Variants in VRK3 observed in about 807,000 individuals in gnomAD.
The protein encoded by VRK3 is VRK serine/threonine kinase 3.
A neutral mutation model predicts 60.4 loss-of-function variants in VRK3; 50 were observed. The ratio of observed to expected loss-of-function variants is 0.83; its 90% CI spans 0.66 to 1.05. The LOEUF is 1.05. VRK3 is among the 50% of genes least tolerant of loss of function. VRK3 has a pLI of 0.00. For synonymous variants in VRK3, 246 were observed against 227.8 expected (o/e 1.08, Z -0.72); for missense variants, 549 against 585.3 (o/e 0.94, Z 0.64).
chr19:49,982,223 C>CA, intron 12 of VRK3: 1 of 702,814 alleles, frequency 1.4e-6, no homozygotes, highest in Non-Finnish European at 2.6e-6. Context: ...GACTCATGAC[C>CA]AACAGCACCG....
intron 6 of VRK3, chr19:49,998,948 G>GAAAAAAAAAAAAAAAA (rs60205284): frequency 5.6e-5 from 2 of 35,600 alleles, no homozygotes; most frequent in Non-Finnish European, 5.7e-5. Context: ...ATCTCTACCA[G>GAAAAAAAAAAAAAAAA]AAAAAAAAAA....
intron 6 of VRK3, chr19:49,998,926 C>T (rs910376628): frequency 1.7e-5 from 2 of 118,276 alleles, no homozygotes; most frequent in Non-Finnish European, 3.2e-5. Context: ...CTGGGCAACA[C>T]AGGAAGACCC....
chr19:49,987,153 G>A (rs995839861), intron 12 of VRK3, among the ~76,000 whole-genome samples: 1 of 152,228 alleles, frequency 6.6e-6, no homozygotes, highest in African/African-American at 2.4e-5. Flanking sequence ...GGATTAAGGC[G>A]TGAACCACCG....
intron 1 of VRK3, among the ~76,000 whole-genome samples, chr19:50,023,458 G>C (rs2077203627): frequency 6.6e-6 from 1 of 152,212 alleles, no homozygotes; most frequent in Non-Finnish European, 1.5e-5. Context: ...TGGGATTACA[G>C]GCTCGAGCCA....
intron 5 of VRK3, among the ~76,000 whole-genome samples, chr19:50,004,915 A>C: frequency 6.6e-6 from 1 of 150,778 alleles, no homozygotes; most frequent in Non-Finnish European, 1.5e-5. Context: ...ATCTCTTAAA[A>C]ATAAAAGTGC....
In VRK3 at chr19:49,988,417, G is replaced by A; in HGVS notation, c.1172C>T (p.Thr391Ile). The stretch of plus-strand genomic sequence containing the variant: ...GTCCTCAGTGTTGGGAAGGCAATTT[G>A]TCCATGGCAGAAACCCGTAGAGCCA... ...LKWLYGFLPW[T>I]NCLPNTEDIM... is the part of the protein sequence containing the mutation. The change falls in exon 12 of 15, where the codon ACA (threonine) becomes ATA (isoleucine). Residue 391 changes from threonine (T) to isoleucine (I), a missense_variant. Coordinates refer to ENST00000316763, the MANE Select transcript of VRK3 (RefSeq NM_016440.4). The A allele has an allele frequency of 1.2e-6, 2 of 1,613,616 alleles. No individual in the cohort carries two copies. The highest frequency in any genetic ancestry group is 1.7e-6 in the Non-Finnish European group (2 of 1,179,684).
chr19:49,997,596 G>A, intron 6 of VRK3, 26 bp from the exon 7 acceptor site: 1 of 1,613,252 alleles, frequency 6.2e-7, no homozygotes, highest in Non-Finnish European at 8.5e-7. Flanking sequence ...AGGGGCAGAA[G>A]GCTGTCACAC....
intron 5 of VRK3, chr19:50,001,307 T>C (rs78654073): frequency 0.012 from 1,964 of 165,812 alleles, 97 homozygotes; most frequent in East Asian, 0.11. Flanking sequence ...TCTGAGGAAC[T>C]TCCTGGTGGA....
At chr19:50,001,099 A>G (rs981791286) in intron 5 of VRK3, 19 of 455,926 alleles carry the variant, frequency 4.2e-5, no homozygotes, top group Admixed American at 1.2e-4. Context: ...CTCTCCTGGC[A>G]AGGTCTGGGA....
At chr19:49,998,948 G>GAAAAAAAAAAAAAAAAAAAAAAAAAAAA (rs60205284) in intron 6 of VRK3, 2 of 35,600 alleles carry the variant, frequency 5.6e-5, no homozygotes, top group African/African-American at 1.7e-4. Context: ...ATCTCTACCA[G>GAAAAAAAAAAAAAAAAAAAAAAAAAAAA]AAAAAAAAAA....
Position 49,981,002 on chromosome 19 carries a change from T to C in VRK3, c.1229A>G (p.Lys410Arg). The change falls in exon 13 of 15, where the codon AAG becomes AGG. Residue 410 changes from lysine to arginine, a missense_variant. Coordinates refer to ENST00000316763, the MANE Select transcript of VRK3 (RefSeq NM_016440.4). ...GCAGGGTCCCACGAAGGGCCCCGGC[T>C]TATCAACAAACCTGAAGGGACAGAA... is the stretch of plus-strand genomic sequence containing the variant. ...IMKQKQKFVD[K>R]PGPFVGPCGH... The C allele has an allele frequency of 1.2e-6, 2 of 1,612,580 alleles. No individual in the cohort carries two copies. Among genetic ancestry groups the C allele is most frequent in the South Asian group, 2.2e-5 (2 of 90,628 alleles).
In VRK3 at chr19:50,016,044, G is replaced by T; in HGVS notation, c.119C>A (p.Pro40Gln). The T allele has an allele frequency of 6.2e-7, 1 of 1,614,156 alleles. No homozygotes were observed. Among genetic ancestry groups the T allele is most frequent in the Non-Finnish European group, 8.5e-7 (1 of 1,180,036 alleles). ...EHVGSQTFVN[P>Q]HVSSFQGSKR... is the part of the protein sequence containing the mutation. Reference sequence around the variant, plus strand: ...CTTACCTTGGAAGGATGACACATGTGGATTGACAAAGGTCTGGGACCCTAC... The same window carrying T: ...CTTACCTTGGAAGGATGACACATGTTGATTGACAAAGGTCTGGGACCCTAC... Residue 40 changes from proline (P) to glutamine (Q), a missense_variant, in exon 3 of 15, where the codon CCA becomes CAA. Transcript: ENST00000316763.
intron 14 of VRK3, among the ~76,000 whole-genome samples, chr19:49,977,351 C>T (rs763361872): frequency 1.3e-5 from 2 of 152,054 alleles, no homozygotes; most frequent in Admixed American, 6.6e-5. Flanking sequence ...GCCATCTCCT[C>T]GTTATGTTCC....
In VRK3 at chr19:49,979,106, C is replaced by T. The variant is rs148252584; in HGVS notation, c.1413G>A (p.Pro471=). 574 of 1,609,346 alleles carry T rather than the reference C, an allele frequency of 3.6e-4. 1 individual carries two copies. Among genetic ancestry groups the T allele is most frequent in the Middle Eastern group, 2.5e-3 (15 of 6,030 alleles). ...ACCTGGATTCCACCTAGGGCACCATCGGGAGGCCAATGGGGTCATATGGAG... is the reference window on the plus strand; with the variant it reads ...ACCTGGATTCCACCTAGGGCACCATTGGGAGGCCAATGGGGTCATATGGAG... The part of the protein sequence containing the change: ...RVSPYDPIGL[P]MVP The change falls in exon 14 of 15, where the codon CCG becomes CCA. Residue 471 remains proline, a synonymous_variant. Transcript: ENST00000316763.
intron 3 of VRK3, among the ~76,000 whole-genome samples, chr19:50,014,423 G>A (rs2077041677): frequency 6.7e-6 from 1 of 149,932 alleles, no homozygotes; most frequent in South Asian, 2.1e-4. Flanking sequence ...ACTGGGCTTG[G>A]TGGCAGGCGC....
intron 10 of VRK3, 66 bp downstream of exon 10, chr19:49,992,794 A>G: frequency 6.9e-7 from 1 of 1,448,014 alleles, no homozygotes; most frequent in Admixed American, 1.7e-5. Context: ...AAATAAATAG[A>G]GATTTGGAGA....
chr19:49,988,610 C>A, intron 11 of VRK3, 118 bp from the exon 12 acceptor site: 1 of 1,379,870 alleles, frequency 7.2e-7, no homozygotes, highest in Non-Finnish European at 9.6e-7. Flanking sequence ...TACACCCAGC[C>A]TTCCAGCCAT....
At chr19:50,004,705 T>C (rs2076865882) in intron 5 of VRK3, among the ~76,000 whole-genome samples, 1 of 152,026 alleles carries the variant, frequency 6.6e-6, no homozygotes, top group Admixed American at 6.6e-5. Flanking sequence ...CCCAGGAGTT[T>C]GGGACCAGCC....
Position 49,988,423 on chromosome 19 carries a change from G to A in VRK3, c.1166C>T (p.Pro389Leu), listed in dbSNP as rs1378160366. The A allele has an allele frequency of 1.2e-6, 2 of 1,613,560 alleles. No homozygotes were observed. Among genetic ancestry groups the A allele is most frequent in the African/African-American group, 1.3e-5 (1 of 74,910 alleles). ...AGTGTTGGGAAGGCAATTTGTCCAT[G>A]GCAGAAACCCGTAGAGCCACTTCAG... ...CMLKWLYGFLPWTNCLPNTED... is the reference protein window; with the variant it reads ...CMLKWLYGFLLWTNCLPNTED... Residue 389 changes from proline to leucine, a missense_variant, in exon 12 of 15, where the codon CCA (proline) becomes CTA (leucine). By Grantham distance (98) the Pro-to-Leu change is moderately conservative. Coordinates refer to ENST00000316763, the MANE Select transcript of VRK3 (RefSeq NM_016440.4).
Sources: gnomAD v4.1 joint callset for allele counts (sites outside exome capture counted in the v4.1 genomes callset) on GRCh38, gnomAD v4.1.1 for gene constraint, MANE v1.5 for transcripts, NCBI Gene and HGNC (gene_info 2026-07-23, HGNC 2026-07-21) for gene names.